The following CBLB variants were observed in gnomAD, a reference collection of about 807,000 sequenced individuals.
CBLB encodes the protein Cbl proto-oncogene B.
CBLB carries 31 observed loss-of-function variants against 104.9 expected under a neutral mutation model. The observed-to-expected ratio is 0.30, with a 90% CI of 0.22 to 0.40. The LOEUF (loss-of-function observed/expected upper bound fraction) is 0.40, where lower values mean the gene tolerates loss of function less well. Ranked by LOEUF, CBLB falls within the 10% of genes least tolerant of loss-of-function variation. The probability of loss-of-function intolerance (pLI) is 1.00; values close to 1 mark genes in which losing one functional copy is unlikely to be tolerated. For missense variants in CBLB, 1,062 were observed against 1,214.6 expected (o/e 0.87, Z 1.87); for synonymous variants, 440 against 422.6 (o/e 1.04, Z -0.51).
intron 16 of CBLB, among the ~76,000 whole-genome samples, chr3:105,679,750 T>C (rs2066083971): frequency 6.9e-6 from 1 of 145,914 alleles, no homozygotes; most frequent in Admixed American, 7.0e-5. Flanking sequence ...CACTCCAGCC[T>C]GGTGACAGAG....
chr3:105,815,371 G>A (rs1333344911), intron 3 of CBLB, among the ~76,000 whole-genome samples: 5 of 152,148 alleles, frequency 3.3e-5, no homozygotes, highest in Non-Finnish European at 4.4e-5. Flanking sequence ...CAGGAAGAAA[G>A]GCTGTTAATG....
intron 3 of CBLB, among the ~76,000 whole-genome samples, chr3:105,788,522 G>A (rs1186788745): frequency 1.3e-5 from 2 of 152,126 alleles, no homozygotes; most frequent in Non-Finnish European, 2.9e-5. Context: ...AAGCTGTACT[G>A]GGCCAGGTCA....
At chr3:105,859,343 T>A (rs1245981426) in intron 2 of CBLB, among the ~76,000 whole-genome samples, 1 of 152,156 alleles carries the variant, frequency 6.6e-6, no homozygotes, top group Non-Finnish European at 1.5e-5. Context: ...AACTGCCTCA[T>A]TCTTAAAAAC....
intron 3 of CBLB, among the ~76,000 whole-genome samples, chr3:105,816,491 T>C (rs1433654905): frequency 6.6e-6 from 1 of 152,200 alleles, no homozygotes; most frequent in African/African-American, 2.4e-5. Flanking sequence ...TACAGGTACA[T>C]TAACAGAACT....
chr3:105,819,508 A>G (rs1315893811), intron 3 of CBLB, among the ~76,000 whole-genome samples: 2 of 152,032 alleles, frequency 1.3e-5, no homozygotes, highest in Non-Finnish European at 2.9e-5. Flanking sequence ...AAAAGAAAGA[A>G]AGAAAAACCA....
chr3:105,860,723 G>T (rs1161638683), intron 2 of CBLB, among the ~76,000 whole-genome samples: 5 of 152,114 alleles, frequency 3.3e-5, no homozygotes. Flanking sequence ...ATGAAAATTA[G>T]ACCAAGGGCA....
intron 17 of CBLB, among the ~76,000 whole-genome samples, chr3:105,678,187 C>A (rs1195419103): frequency 6.6e-6 from 1 of 152,164 alleles, no homozygotes; most frequent in Non-Finnish European, 1.5e-5. Flanking sequence ...CTGGACTGGA[C>A]AATCTCTACA....
At position 105,868,990 on chromosome 3, in the gene CBLB, G is replaced by T; in HGVS notation, c.-269C>A. ...CGGGACGCCGCAGCAGCACTAGCAGGAGGAGGAGACCGCTCGCTGGACACC... is the reference window on the plus strand; with the variant it reads ...CGGGACGCCGCAGCAGCACTAGCAGTAGGAGGAGACCGCTCGCTGGACACC... On this transcript the variant is annotated 5_prime_UTR_variant, in exon 1 of 19. Coordinates refer to ENST00000394030, the MANE Select transcript of CBLB (RefSeq NM_170662.5). 2.9e-6 allele frequency: 3 copies of T among 1,051,380 alleles called. No homozygotes were observed. Among genetic ancestry groups the T allele is most frequent in the Non-Finnish European group, 3.4e-6 (3 of 871,340 alleles). The allele number at this position is 1,051,380 out of a possible 1,614,324, so 65.1% of individuals were successfully genotyped here. A position where few individuals can be genotyped will look rare whatever the true frequency, so the allele number is the denominator to read the frequency against.
intron 10 of CBLB, among the ~76,000 whole-genome samples, chr3:105,704,697 T>C (rs890029498): frequency 2.6e-5 from 4 of 151,368 alleles, no homozygotes; most frequent in Non-Finnish European, 3.0e-5. Context: ...TTTAAGCCTA[T>C]TTTTTTTTCC....
In CBLB at chr3:105,695,165, G is replaced by C. The variant is rs879708969; in HGVS notation, c.1960-1577C>G. ...AACTCATTTGGGAAAATGTAATGTG[G>C]ATTTTATATGCAATAGTTTGTTATT... On this transcript the variant is annotated intron_variant, in intron 12 of 18. Coordinates refer to ENST00000394030, the MANE Select transcript of CBLB (RefSeq NM_170662.5). Among the ~76,000 whole-genome samples, 4 of 151,706 alleles carry C rather than the reference G, an allele frequency of 2.6e-5. No homozygotes were observed. The East Asian group carries it at 5.8e-4, about 22-fold the overall frequency.
intron 16 of CBLB, among the ~76,000 whole-genome samples, chr3:105,680,714 G>C (rs1055666874): frequency 6.6e-6 from 1 of 152,196 alleles, no homozygotes; most frequent in African/African-American, 2.4e-5. Context: ...TGGCCTAACA[G>C]CCAGTTCAGA....
intron 9 of CBLB, among the ~76,000 whole-genome samples, chr3:105,724,429 A>G (rs540587530): frequency 2.0e-5 from 3 of 152,238 alleles, no homozygotes; most frequent in South Asian, 2.1e-4. Flanking sequence ...ACCTTCCCCA[A>G]TTACAGCTGT....
intron 4 of CBLB, among the ~76,000 whole-genome samples, chr3:105,761,872 G>T (rs2077673739): frequency 6.6e-6 from 1 of 152,146 alleles, no homozygotes; most frequent in African/African-American, 2.4e-5. Flanking sequence ...CTAGACACTT[G>T]TTGAATGGTT....
At chr3:105,791,650 A>G (rs2081653291) in intron 3 of CBLB, among the ~76,000 whole-genome samples, 1 of 152,226 alleles carries the variant, frequency 6.6e-6, no homozygotes, top group Non-Finnish European at 1.5e-5. Flanking sequence ...GAAGTTAAGC[A>G]TTACATTTTT....
intron 6 of CBLB, among the ~76,000 whole-genome samples, chr3:105,744,516 G>C (rs749359727): frequency 6.6e-6 from 1 of 152,064 alleles, no homozygotes; most frequent in Non-Finnish European, 1.5e-5. Context: ...AAGCCAAACT[G>C]TTTTTGTATT....
At chr3:105,731,899 C>T (rs973834016) in intron 9 of CBLB, among the ~76,000 whole-genome samples, 1 of 152,216 alleles carries the variant, frequency 6.6e-6, no homozygotes, top group African/African-American at 2.4e-5. Flanking sequence ...AGTCTTGCAA[C>T]ATGTATGCAT....
chr3:105,710,500 C>A (rs756246516), intron 10 of CBLB, among the ~76,000 whole-genome samples: 25 of 152,062 alleles, frequency 1.6e-4, no homozygotes, highest in Non-Finnish European at 2.9e-4. Context: ...AGTATCACTT[C>A]ATTCCTTTAT....
chr3:105,748,011 A>G (rs543914493), intron 5 of CBLB, among the ~76,000 whole-genome samples: 1 of 152,328 alleles, frequency 6.6e-6, no homozygotes, highest in African/African-American at 2.4e-5. Flanking sequence ...CCTTGTATGC[A>G]GCCCATTCAA....
At chr3:105,743,417 A>G (rs1478605689) in intron 6 of CBLB, among the ~76,000 whole-genome samples, 1 of 150,180 alleles carries the variant, frequency 6.7e-6, no homozygotes, top group Non-Finnish European at 1.5e-5. Context: ...CCCAGATAGT[A>G]CCACTGCACT....
Sources: allele counts gnomAD v4.1 joint callset (sites outside exome capture counted in the v4.1 genomes callset), GRCh38; gene constraint gnomAD v4.1.1; transcripts MANE v1.5; gene names NCBI Gene and HGNC (gene_info 2026-07-23, HGNC 2026-07-21).